The following PDE3B variants were observed in gnomAD, a reference collection of about 807,000 sequenced individuals.
PDE3B encodes the protein phosphodiesterase 3B, also known as cGMP-inhibited 3',5'-cyclic phosphodiesterase 3B.
PDE3B carries 66 observed loss-of-function variants against 116.8 expected under a neutral mutation model. That is an observed-to-expected ratio of 0.56 (90% confidence interval 0.46 to 0.69). PDE3B has a LOEUF of 0.69. Ranked by LOEUF, PDE3B falls within the 30% of genes least tolerant of loss-of-function variation. The pLI, the probability that PDE3B is intolerant of heterozygous loss-of-function variation, is 0.00. For synonymous variants in PDE3B, 595 were observed against 533.6 expected, an observed-to-expected ratio of 1.12 and a Z score of -1.59; for missense variants, 1,384 against 1,368.1, an observed-to-expected ratio of 1.01 and a Z score of -0.18.
chr11:14,709,221 T>C (rs1448278683), intron 1 of PDE3B, among the ~76,000 whole-genome samples: 1 of 152,140 alleles, frequency 6.6e-6, no homozygotes, highest in East Asian at 1.9e-4. Context: ...GAATTCAGAA[T>C]TGGAGAAGGT....
In PDE3B at chr11:14,803,990, A is replaced by G. The variant is rs1398769875; in HGVS notation, c.1462A>G (p.Ile488Val). 1.9e-6 allele frequency: 3 copies of G among 1,611,884 alleles called. No homozygotes were observed. Among genetic ancestry groups the G allele is most frequent in the East Asian group, 2.2e-5 (1 of 44,840 alleles). Residue 488 changes from isoleucine (I) to valine (V), a missense_variant, in exon 5 of 16, where the codon ATC becomes GTC. Physicochemically the swap from Ile to Val is conservative, Grantham distance 29. This residue lies in a region of PDE3B where 956 missense variants were observed against 806.8 expected (regional missense o/e 1.18). Transcript: ENST00000282096. ...NGPFNSNLLTIPKQRSSSVSL... is the reference protein window; with the variant it reads ...NGPFNSNLLTVPKQRSSSVSL... ...GCCTTTTAATTCAAATCTACTGACT[A>G]TCCCGAAGCAAAGGTCATCTTCTGT...
At chr11:14,801,175 C>T (rs1049454542) in intron 4 of PDE3B, among the ~76,000 whole-genome samples, 1 of 152,128 alleles carries the variant, frequency 6.6e-6, no homozygotes, top group African/African-American at 2.4e-5. Context: ...AACTCATTCT[C>T]TGTCCAGTTT....
chr11:14,778,250 C>T (rs1857853011), intron 2 of PDE3B, among the ~76,000 whole-genome samples: 1 of 152,136 alleles, frequency 6.6e-6, no homozygotes, highest in Admixed American at 6.5e-5. Flanking sequence ...CAGGGCATAG[C>T]TGAACGAAAG....
At chr11:14,861,656 A>G (rs945770432) in intron 14 of PDE3B, among the ~76,000 whole-genome samples, 5 of 152,200 alleles carry the variant, frequency 3.3e-5, no homozygotes, top group African/African-American at 9.7e-5. Context: ...AGCAACCTCA[A>G]TTCTTGCCCC....
At position 14,782,893 on chromosome 11, in the gene PDE3B, A is replaced by C. The variant is rs577020832; in HGVS notation, c.1030-3544A>C. 1.9e-4 allele frequency among the ~76,000 whole-genome samples: 29 copies of C among 152,370 alleles called. No individual in the cohort carries two copies. The South Asian group carries it at 5.8e-3, about 30-fold the overall frequency. ...AAAGGGCTAATATCCAGAATCTACA[A>C]GGAACTTAAACAAATTTACAAGAAA... is the stretch of plus-strand genomic sequence containing the variant. On this transcript the variant is annotated intron_variant, in intron 2 of 15. Transcript: ENST00000282096.
intron 1 of PDE3B, among the ~76,000 whole-genome samples, chr11:14,743,707 T>C (rs1162775625): frequency 6.6e-6 from 1 of 152,192 alleles, no homozygotes; most frequent in African/African-American, 2.4e-5. Flanking sequence ...CCAGAGGGAT[T>C]TTCCTGGTCT....
chr11:14,748,561 C>T (rs1274374110), intron 1 of PDE3B, among the ~76,000 whole-genome samples: 1 of 152,156 alleles, frequency 6.6e-6, no homozygotes, highest in Non-Finnish European at 1.5e-5. Flanking sequence ...TAAAGAGACC[C>T]TAATTATATT....
At position 14,676,729 on chromosome 11, in the gene PDE3B, G is replaced by A. The variant is rs1854542931; in HGVS notation, c.978+31676G>A. Among the ~76,000 whole-genome samples the A allele has an allele frequency of 2.0e-5, 3 of 152,244 alleles. No homozygotes were observed. In the South Asian group the frequency reaches 6.2e-4, roughly 32 times the overall value. ...TGTGGCATGTCACTATATTATGGATGTGAGTCCTTTGCCATATGTATGTGT... is the reference window on the plus strand; with the variant it reads ...TGTGGCATGTCACTATATTATGGATATGAGTCCTTTGCCATATGTATGTGT... On this transcript the variant is annotated intron_variant, in intron 1 of 15. Coordinates refer to ENST00000282096, the MANE Select transcript of PDE3B (RefSeq NM_000922.4).
intron 1 of PDE3B, among the ~76,000 whole-genome samples, chr11:14,765,199 G>C (rs1857465682): frequency 6.6e-6 from 1 of 152,044 alleles, no homozygotes; most frequent in African/African-American, 2.4e-5. Context: ...TGCTGTAACA[G>C]TTAATTCAGA....
chr11:14,752,981 C>A (rs1333733398), intron 1 of PDE3B, among the ~76,000 whole-genome samples: 2 of 152,034 alleles, frequency 1.3e-5, no homozygotes, highest in African/African-American at 4.8e-5. Context: ...CATAGCTAAA[C>A]TGATAAACTA....
chr11:14,833,484 A>G (rs1006800893), intron 10 of PDE3B, among the ~76,000 whole-genome samples: 1 of 152,122 alleles, frequency 6.6e-6, no homozygotes, highest in African/African-American at 2.4e-5. Context: ...TTTAAAATTA[A>G]TTGCCTGTGT....
chr11:14,788,344 A>G (rs1219008585), intron 3 of PDE3B, among the ~76,000 whole-genome samples: 2 of 151,972 alleles, frequency 1.3e-5, no homozygotes, highest in East Asian at 3.8e-4. Flanking sequence ...ATGACACTCA[A>G]CAAGGATATT....
chr11:14,850,981 ATTT>A (rs143254814), intron 12 of PDE3B, among the ~76,000 whole-genome samples: 9 of 103,384 alleles, frequency 8.7e-5, no homozygotes, highest in Non-Finnish European at 1.2e-4. Context: ...ACACCCAGCT[ATTT>A]TTTTTTTTTT....
chr11:14,876,836 C>T (rs991558034), downstream of PDE3B, among the ~76,000 whole-genome samples: 11 of 152,220 alleles, frequency 7.2e-5, no homozygotes, highest in South Asian at 2.1e-4. Context: ...CTAAGCCATA[C>T]GGACCCTAAA....
intron 8 of PDE3B, among the ~76,000 whole-genome samples, chr11:14,831,183 T>C (rs1405304611): frequency 2.0e-5 from 3 of 151,694 alleles, no homozygotes; most frequent in South Asian, 2.1e-4. Flanking sequence ...ATGAAAACAA[T>C]GTATTTATAA....
the PDE3B span, chr11:14,879,440 T>C: frequency 9.6e-5 from 153 of 1,599,326 alleles, 2 homozygotes; most frequent in Admixed American, 5.0e-5. Flanking sequence ...TTTCTGAACT[T>C]GTCCTGTCAG....
intron 1 of PDE3B, among the ~76,000 whole-genome samples, 164 bp from the exon 2 acceptor site, chr11:14,771,772 AT>A (rs965989354): frequency 1.3e-5 from 2 of 151,752 alleles, no homozygotes; most frequent in African/African-American, 4.8e-5. Flanking sequence ...TATAGATTAT[AT>A]TAATGAAATA....
chr11:14,762,700 A>T (rs1159432586), intron 1 of PDE3B, among the ~76,000 whole-genome samples: 1 of 152,232 alleles, frequency 6.6e-6, no homozygotes, highest in Non-Finnish European at 1.5e-5. Context: ...TTTGGTAATG[A>T]TTTGGGCAAG....
At chr11:14,878,327 T>C in the PDE3B span, 1 of 1,606,608 alleles carries the variant, frequency 6.2e-7, no homozygotes, top group Admixed American at 1.7e-5. Flanking sequence ...ACAATAATTT[T>C]TTAAACCCAC....
Sources: allele counts gnomAD v4.1 joint callset (sites outside exome capture counted in the v4.1 genomes callset), GRCh38; gene constraint gnomAD v4.1.1; regional missense constraint gnomAD v4.1.1; transcripts MANE v1.5; gene names NCBI Gene and HGNC (gene_info 2026-07-23, HGNC 2026-07-21).